DNAH14: variants seen among roughly 807,000 people sequenced by gnomAD.
The protein encoded by DNAH14 is dynein axonemal heavy chain 14, also known as axonemal beta dynein heavy chain 14.
DNAH14 carries 478 observed loss-of-function variants against 520.9 expected under a neutral mutation model. That is an observed-to-expected ratio of 0.92 (90% CI 0.85 to 0.99). The LOEUF (loss-of-function observed/expected upper bound fraction) is 0.99, where lower values mean the gene tolerates loss of function less well. DNAH14 is among the 50% of genes least tolerant of loss of function. The pLI, the probability that DNAH14 is intolerant of heterozygous loss-of-function variation, is 0.00. For missense variants in DNAH14, 4,831 were observed against 5,234.5 expected (o/e 0.92, Z 2.38); for synonymous variants, 1,581 against 1,757.2 (o/e 0.90, Z 2.51).
chr1:225,148,806 G>A (rs1305170777), intron 31 of DNAH14, among the ~76,000 whole-genome samples: 1 of 151,962 alleles, frequency 6.6e-6, no homozygotes, highest in Non-Finnish European at 1.5e-5. Context: ...GTTTTTGCTT[G>A]TAAATTTGTT....
intron 10 of DNAH14, among the ~76,000 whole-genome samples, chr1:225,015,758 G>A (rs1034336812): frequency 6.6e-6 from 1 of 152,212 alleles, no homozygotes; most frequent in Non-Finnish European, 1.5e-5. Context: ...AAATTGCAAT[G>A]GGAAGAGGAG....
chr1:225,245,695 A>G (rs2092239941), intron 43 of DNAH14, among the ~76,000 whole-genome samples: 1 of 152,200 alleles, frequency 6.6e-6, no homozygotes, highest in South Asian at 2.1e-4. Flanking sequence ...TTCAAGGAGA[A>G]CTACAAACTG....
chr1:224,964,537 G>A lies in DNAH14; in HGVS notation c.426G>A (p.Trp142Ter). The change falls in exon 5 of 86, where the codon TGG becomes TGA. Residue 142 changes from tryptophan to a stop codon, truncating the protein, a stop_gained. Transcript: ENST00000682510. LOFTEE classifies it high-confidence loss of function. ...NIIRLREKLG[W>*]QTILPQHSLK... Reference sequence around the variant, plus strand: ...TTAGGCTACGAGAAAAGCTTGGTTGGCAAACTATATTACCGCAGCACAGTT... The same window carrying A: ...TTAGGCTACGAGAAAAGCTTGGTTGACAAACTATATTACCGCAGCACAGTT... 6.2e-7 allele frequency: 1 copy of A among 1,610,278 alleles called. No homozygotes were observed. Among genetic ancestry groups the A allele is most frequent in the South Asian group, 1.1e-5 (1 of 90,428 alleles).
chr1:224,971,178 A>G (rs997476613), intron 7 of DNAH14, among the ~76,000 whole-genome samples: 1 of 152,172 alleles, frequency 6.6e-6, no homozygotes, highest in Non-Finnish European at 1.5e-5. Context: ...ATTCTTCACA[A>G]AGTAGTTCCA....
Position 225,367,819 on chromosome 1 carries a change from T to C in DNAH14, c.12105T>C (p.Ser4035=), listed in dbSNP as rs577629233. Residue 4035 remains serine, a synonymous_variant, in exon 77 of 86, where the codon TCT becomes TCC. Transcript: ENST00000682510. ...CTGTTTTCAAGATTGCCGTGGAATCTCCCCAGGGATTGAAAAGTAACTTAC... is the reference window on the plus strand; with the variant it reads ...CTGTTTTCAAGATTGCCGTGGAATCCCCCCAGGGATTGAAAAGTAACTTAC... ...LKKGLKIAVE[S]PQGLKSNLLQ... 9 of 1,551,018 alleles carry C rather than the reference T, an allele frequency of 5.8e-6. No homozygotes were observed. The highest frequency in any genetic ancestry group is 1.7e-4 in the Middle Eastern group (1 of 5,992).
intron 11 of DNAH14, among the ~76,000 whole-genome samples, chr1:225,037,626 C>T (rs1352578814): frequency 1.3e-5 from 2 of 152,164 alleles, no homozygotes; most frequent in Non-Finnish European, 2.9e-5. Flanking sequence ...AGTTCTTCAT[C>T]TTTCTGCTTA....
Position 225,399,263 on chromosome 1 carries a change from AAAAT to A in DNAH14, c.13853_*2del. On this transcript the variant is annotated frameshift_variant and stop_lost, in exon 86 of 86. Transcript: ENST00000682510. LOFTEE classifies it high-confidence loss of function. ...TTGCATTGCTTTGTGAGAAGAATGA[AAAAT>A]AAATGTCCATATCAAACCATTTTAA... is the stretch of plus-strand genomic sequence containing the variant. The A allele has an allele frequency of 1.3e-6, 2 of 1,550,272 alleles. No individual in the cohort carries two copies. Among genetic ancestry groups the A allele is most frequent in the Non-Finnish European group, 1.7e-6 (2 of 1,145,900 alleles).
At chr1:225,352,911 G>A (rs1450337379) in intron 72 of DNAH14, among the ~76,000 whole-genome samples, 1 of 151,658 alleles carries the variant, frequency 6.6e-6, no homozygotes, top group Non-Finnish European at 1.5e-5. Context: ...TTATTTTGTT[G>A]CGTTTATCAC....
At chr1:224,976,349 G>C (rs2061840394) in intron 8 of DNAH14, among the ~76,000 whole-genome samples, 1 of 152,122 alleles carries the variant, frequency 6.6e-6, no homozygotes, top group East Asian at 1.9e-4. Flanking sequence ...CATTATTATT[G>C]TGTGGGAGTC....
rs1429259363 is a variant in DNAH14, at chr1:224,984,537, TA to T, written c.830+10385del. On this transcript the variant is annotated intron_variant, in intron 8 of 85. Coordinates refer to ENST00000682510, the MANE Select transcript of DNAH14 (RefSeq NM_001367479.1). ...CAATTGCAATAAAAACAAAGATAAATAGGGGGGACTTAATTAAACTAAAGAG... is the reference window on the plus strand; with the variant it reads ...CAATTGCAATAAAAACAAAGATAAATGGGGGGACTTAATTAAACTAAAGAG... 4.6e-5 allele frequency among the ~76,000 whole-genome samples: 7 copies of T among 151,884 alleles called. No homozygotes were observed. The East Asian group carries it at 5.8e-4, about 13-fold the overall frequency.
At chr1:225,182,675 G>A (rs899421006) in intron 36 of DNAH14, among the ~76,000 whole-genome samples, 6 of 152,224 alleles carry the variant, frequency 3.9e-5, no homozygotes, top group Non-Finnish European at 1.5e-5. Flanking sequence ...AGAGGGAGAG[G>A]AAAGTGTGTG....
intron 77 of DNAH14, among the ~76,000 whole-genome samples, chr1:225,372,614 A>C (rs1219385892): frequency 6.6e-6 from 1 of 152,232 alleles, no homozygotes; most frequent in Non-Finnish European, 1.5e-5. Flanking sequence ...AATACAAATA[A>C]CCAAAATAAA....
intron 77 of DNAH14, among the ~76,000 whole-genome samples, chr1:225,372,673 A>G (rs1204844497): frequency 6.6e-6 from 1 of 152,224 alleles, no homozygotes; most frequent in East Asian, 1.9e-4. Context: ...AGTAACCCGA[A>G]TTGAAAACCC....
Position 225,337,327 on chromosome 1 carries a change from T to C in DNAH14, c.10142T>C (p.Leu3381Ser), listed in dbSNP as rs2095078042. 1 of 1,551,838 alleles carries C rather than the reference T, an allele frequency of 6.4e-7. No individual in the cohort carries two copies. Among genetic ancestry groups the C allele is most frequent in the Non-Finnish European group, 8.7e-7 (1 of 1,147,002 alleles). ...CAGTATTCAGTAGAGAATGCCATCT[T>C]GATCAAGAATGGCCAGCAGTGGCCA... ...HGQYSVENAI[L>S]IKNGQQWPLL... The change falls in exon 67 of 86, where the codon TTG (leucine) becomes TCG (serine). Residue 3381 changes from leucine to serine, a missense_variant. Transcript: ENST00000682510.
chr1:225,341,420 G>A (rs1193304387), intron 69 of DNAH14, among the ~76,000 whole-genome samples: 2 of 152,158 alleles, frequency 1.3e-5, no homozygotes, highest in African/African-American at 4.8e-5. Context: ...TCAGGAGTTC[G>A]AGACCAGCCT....
intron 37 of DNAH14, among the ~76,000 whole-genome samples, chr1:225,190,240 TA>T (rs201610241): frequency 0.049 from 7,387 of 152,058 alleles, 283 homozygotes; most frequent in Non-Finnish European, 0.072. Context: ...AGAACAATTA[TA>T]AAAAATATGA....
At chr1:224,930,617 A>G (rs555991921) in intron 1 of DNAH14, among the ~76,000 whole-genome samples, 1 of 151,544 alleles carries the variant, frequency 6.6e-6, no homozygotes, top group South Asian at 2.1e-4. Flanking sequence ...TTTTTTTTTG[A>G]GACGGAGCCT....
At chr1:225,056,318 T>C (rs566211880) in intron 17 of DNAH14, among the ~76,000 whole-genome samples, 39 of 152,218 alleles carry the variant, frequency 2.6e-4, no homozygotes, top group Non-Finnish European at 5.0e-4. Context: ...GTCTTTTGGC[T>C]GCATAAATGT....
At chr1:225,092,011 C>T (rs2074441876) in intron 21 of DNAH14, among the ~76,000 whole-genome samples, 2 of 152,044 alleles carry the variant, frequency 1.3e-5, no homozygotes, top group Non-Finnish European at 2.9e-5. Flanking sequence ...TTCAATTCAA[C>T]AAGAAGATCT....
Sources: allele counts gnomAD v4.1 joint callset (sites outside exome capture counted in the v4.1 genomes callset), GRCh38; gene constraint gnomAD v4.1.1; transcripts MANE v1.5; gene names NCBI Gene and HGNC (gene_info 2026-07-23, HGNC 2026-07-21).